The following ANKS1B variants were observed in gnomAD, a reference collection of about 807,000 sequenced individuals.
ANKS1B encodes ankyrin repeat and sterile alpha motif domain-containing protein 1B.
In ANKS1B, 36 loss-of-function variants were observed where a neutral mutation model predicts 148.3. That is an observed-to-expected ratio of 0.24 (90% CI 0.19 to 0.32). The LOEUF (loss-of-function observed/expected upper bound fraction) is 0.32. Among genes scored for constraint, ANKS1B ranks in the 10% least tolerant of loss-of-function variants. The pLI, the probability that ANKS1B is intolerant of heterozygous loss-of-function variation, is 1.00. For synonymous variants in ANKS1B, 542 were observed against 560.8 expected (o/e 0.97, Z 0.47); for missense variants, 1,157 against 1,542.6 (o/e 0.75, Z 4.19).
At chr12:98,824,083 C>T (rs901504725) in intron 19 of ANKS1B, among the ~76,000 whole-genome samples, 1 of 152,182 alleles carries the variant, frequency 6.6e-6, no homozygotes, top group African/African-American at 2.4e-5. Flanking sequence ...AAAAAGCCCT[C>T]TCACTTGATA....
intron 17 of ANKS1B, among the ~76,000 whole-genome samples, chr12:99,018,873 G>A (rs1452433983): frequency 1.3e-5 from 2 of 152,182 alleles, no homozygotes; most frequent in Admixed American, 1.3e-4. Context: ...AACCCGGGAG[G>A]CAGAGGTTGC....
chr12:99,850,407 A>G (rs1467636900), intron 1 of ANKS1B, among the ~76,000 whole-genome samples: 2 of 150,716 alleles, frequency 1.3e-5, no homozygotes, highest in Non-Finnish European at 3.0e-5. Context: ...TATTTTTATA[A>G]ACTCTTTTCT....
chr12:99,534,710 C>CTTTTTTTTTTT (rs143251962), intron 9 of ANKS1B, among the ~76,000 whole-genome samples: 4 of 123,832 alleles, frequency 3.2e-5, no homozygotes, highest in East Asian at 2.4e-4. Context: ...TTTTTCTTTT[C>CTTTTTTTTTTT]TTTTTTTTTT....
intron 12 of ANKS1B, among the ~76,000 whole-genome samples, chr12:99,249,445 CT>C (rs984590019): frequency 6.6e-6 from 1 of 152,192 alleles, no homozygotes; most frequent in Non-Finnish European, 1.5e-5. Flanking sequence ...CAAGCAGTCA[CT>C]TCTCAAAGTA....
chr12:99,071,198 A>G (rs1372142207), intron 16 of ANKS1B, among the ~76,000 whole-genome samples: 1 of 152,268 alleles, frequency 6.6e-6, no homozygotes, highest in East Asian at 1.9e-4. Flanking sequence ...TCTTGAAGGC[A>G]GATACTGTGT....
chr12:98,883,756 T>A (rs1331795002), intron 17 of ANKS1B, among the ~76,000 whole-genome samples: 1 of 152,206 alleles, frequency 6.6e-6, no homozygotes, highest in African/African-American at 2.4e-5. Flanking sequence ...TGCAACGATA[T>A]AACTTCTTAT....
chr12:99,663,147 T>G (rs988147306), intron 8 of ANKS1B, among the ~76,000 whole-genome samples: 4 of 152,036 alleles, frequency 2.6e-5, no homozygotes, highest in African/African-American at 7.2e-5. Context: ...GAAGAAAACG[T>G]GAGGTGTTAA....
intron 12 of ANKS1B, among the ~76,000 whole-genome samples, chr12:99,262,158 T>C (rs1379221213): frequency 1.3e-5 from 2 of 152,166 alleles, no homozygotes; most frequent in African/African-American, 4.8e-5. Flanking sequence ...AAGGCCTCCA[T>C]GGATCACACC....
intron 8 of ANKS1B, among the ~76,000 whole-genome samples, chr12:99,686,612 T>A (rs777541065): frequency 6.6e-6 from 1 of 152,178 alleles, no homozygotes; most frequent in Non-Finnish European, 1.5e-5. Context: ...AAGCAAGATA[T>A]CACTCACATG....
intron 10 of ANKS1B, among the ~76,000 whole-genome samples, chr12:99,450,624 C>T (rs1277460526): frequency 2.0e-5 from 3 of 152,136 alleles, no homozygotes; most frequent in Non-Finnish European, 4.4e-5. Flanking sequence ...TCTTCTGAAT[C>T]CATGAGCTAT....
intron 11 of ANKS1B, among the ~76,000 whole-genome samples, chr12:99,428,618 G>A (rs1388125410): frequency 6.6e-6 from 1 of 152,118 alleles, no homozygotes; most frequent in Non-Finnish European, 1.5e-5. Flanking sequence ...TCCTGTGCAT[G>A]TGTATATTTG....
chr12:99,294,997 A>G lies in ANKS1B; in HGVS notation c.1757-48133T>C, dbSNP rs1379712727. ...AAAGAAATAATAAATGCTTGAGGGG[A>G]TAGATAGCCCATTTACCCTGATAAT... On this transcript the variant is annotated intron_variant, in intron 12 of 26. Transcript: ENST00000683438. Among the ~76,000 whole-genome samples, 3 of 152,222 alleles carry G rather than the reference A, an allele frequency of 2.0e-5. No individual in the cohort carries two copies. The East Asian group carries it at 5.8e-4, about 29-fold the overall frequency.
At chr12:99,773,793 T>A (rs1315408853) in intron 7 of ANKS1B, among the ~76,000 whole-genome samples, 1 of 152,120 alleles carries the variant, frequency 6.6e-6, no homozygotes, top group East Asian at 1.9e-4. Flanking sequence ...ATGGATTTAT[T>A]TCTGGACTTT....
chr12:99,665,305 T>C (rs2098500489), intron 8 of ANKS1B, among the ~76,000 whole-genome samples: 2 of 152,228 alleles, frequency 1.3e-5, no homozygotes, highest in South Asian at 4.1e-4. Flanking sequence ...GGTATGCATG[T>C]AGAGTTATCG....
chr12:99,967,487 T>G (rs926227805), intron 1 of ANKS1B, among the ~76,000 whole-genome samples: 2 of 152,124 alleles, frequency 1.3e-5, no homozygotes, highest in Non-Finnish European at 2.9e-5. Flanking sequence ...GGTGTAATCA[T>G]AGTTCACAGC....
intron 17 of ANKS1B, among the ~76,000 whole-genome samples, chr12:99,001,176 C>T (rs2099932774): frequency 6.6e-6 from 1 of 151,882 alleles, no homozygotes; most frequent in Non-Finnish European, 1.5e-5. Context: ...GCTCTGTTGC[C>T]CGGGCTGGAG....
At chr12:99,684,043 C>A (rs541470062) in intron 8 of ANKS1B, among the ~76,000 whole-genome samples, 14 of 152,116 alleles carry the variant, frequency 9.2e-5, no homozygotes, top group African/African-American at 2.4e-4. Flanking sequence ...CCCCTGAGAC[C>A]TGGGATAACA....
chr12:99,586,973 G>T (rs1376696151), intron 9 of ANKS1B, among the ~76,000 whole-genome samples: 1 of 152,002 alleles, frequency 6.6e-6, no homozygotes, highest in African/African-American at 2.4e-5. Flanking sequence ...GGTGGGGACA[G>T]AACCAAACCA....
intron 12 of ANKS1B, among the ~76,000 whole-genome samples, chr12:99,248,700 AACACTT>A (rs2074192592): frequency 6.6e-6 from 1 of 152,192 alleles, no homozygotes; most frequent in South Asian, 2.1e-4. Flanking sequence ...AGTCAAAACT[AACACTT>A]AGACAACTTA....
Sources: allele counts gnomAD v4.1 joint callset (sites outside exome capture counted in the v4.1 genomes callset), GRCh38; gene constraint gnomAD v4.1.1; transcripts MANE v1.5; gene names NCBI Gene and HGNC (gene_info 2026-07-23, HGNC 2026-07-21).